GRAMD2A: variants seen among roughly 807,000 people sequenced by gnomAD.
GRAMD2A encodes GRAM domain containing 2A, also known as GRAM domain-containing protein 2A.
A neutral mutation model predicts 51.1 loss-of-function variants in GRAMD2A; 37 were observed. The observed-to-expected ratio is 0.72, with a 90% CI of 0.56 to 0.95. GRAMD2A has a LOEUF of 0.95. GRAMD2A is among the 40% of genes least tolerant of loss of function. The probability of loss-of-function intolerance (pLI) is 0.00; values close to 1 mark genes in which losing one functional copy is unlikely to be tolerated. For synonymous variants in GRAMD2A, 136 were observed against 157.1 expected, an observed-to-expected ratio of 0.87 and a Z score of 1.01; for missense variants, 414 against 426.9, an observed-to-expected ratio of 0.97 and a Z score of 0.27.
chr15:72,180,391 A>C (rs1194370223), intron 1 of GRAMD2A, among the ~76,000 whole-genome samples: 1 of 152,216 alleles, frequency 6.6e-6, no homozygotes, highest in Non-Finnish European at 1.5e-5. Context: ...ATTCAGGTCT[A>C]AAAACAGACT....
At chr15:72,178,108 C>T (rs2081668420) in intron 1 of GRAMD2A, among the ~76,000 whole-genome samples, 2 of 152,178 alleles carry the variant, frequency 1.3e-5, no homozygotes, top group Admixed American at 1.3e-4. Flanking sequence ...TGCCCCCACC[C>T]CTCCTTTCTT....
Position 72,161,460 on chromosome 15 carries a change from C to G in GRAMD2A, c.*549G>C, listed in dbSNP as rs2081474198. The G allele has an allele frequency of 6.4e-6, 1 of 155,994 alleles. No homozygotes were observed. Among genetic ancestry groups the G allele is most frequent in the Non-Finnish European group, 1.4e-5 (1 of 70,570 alleles). 9.7% of individuals were successfully genotyped at this position (155,994 alleles called of 1,614,324 possible). A position where few individuals can be genotyped will look rare whatever the true frequency, so the allele number is the denominator to read the frequency against. ...CCTCCCCTCTGCATTCACAGATTCT[C>G]AGCAGGCCCCTGCCCAAGCCTGACA... On this transcript the variant is annotated 3_prime_UTR_variant, in exon 12 of 12. Transcript: ENST00000309731.
rs2140545387 is a variant in GRAMD2A, at chr15:72,166,481, C to T, written c.543+151G>A. On this transcript the variant is annotated intron_variant, in intron 7 of 11. Transcript: ENST00000309731. This position sits in a 1 kb window ranked among gnomAD's most constrained non-coding sequence, Gnocchi z 4.1. Reference sequence around the variant, plus strand: ...CATAGACACACAATCCAAGTACTGTCTCTTGTACATTGAGCCTGAGCCTTT... The same window carrying T: ...CATAGACACACAATCCAAGTACTGTTTCTTGTACATTGAGCCTGAGCCTTT... 4 of 649,124 alleles carry T rather than the reference C, an allele frequency of 6.2e-6. No individual in the cohort carries two copies. The South Asian group carries it at 7.0e-5, about 11-fold the overall frequency. 40.2% of individuals were successfully genotyped at this position (649,124 alleles called of 1,614,324 possible).
chr15:72,178,821 G>A (rs951369338), intron 1 of GRAMD2A, among the ~76,000 whole-genome samples: 7 of 151,890 alleles, frequency 4.6e-5, no homozygotes, highest in East Asian at 1.9e-4. Flanking sequence ...TGATCCGCCC[G>A]CCTCGGCCTC....
Position 72,170,087 on chromosome 15 carries a change from A to G in GRAMD2A, c.42-148T>C, listed in dbSNP as rs550352297. On this transcript the variant is annotated intron_variant, in intron 1 of 11. Transcript: ENST00000309731. This position sits in a 1 kb window ranked among gnomAD's most constrained non-coding sequence, Gnocchi z 4.5. ...TGACACTGAAAATGTCACAGTTCAG[A>G]GGCAGCAGCGCAGGCAGAGGTTCTG... 31 of 734,154 alleles carry G rather than the reference A, an allele frequency of 4.2e-5. 1 individual carries two copies. The highest frequency in any genetic ancestry group is 4.1e-4 in the Admixed American group (21 of 51,786). The allele number at this position is 734,154 out of a possible 1,614,324, so 45.5% of individuals were successfully genotyped here.
intron 1 of GRAMD2A, among the ~76,000 whole-genome samples, chr15:72,177,647 G>A (rs928892841): frequency 1.9e-4 from 29 of 152,344 alleles, no homozygotes; most frequent in African/African-American, 7.0e-4. Flanking sequence ...TGTAGTACCA[G>A]TCTTGTGCAT....
chr15:72,172,685 C>A (rs1010183066), intron 1 of GRAMD2A, among the ~76,000 whole-genome samples: 15 of 151,910 alleles, frequency 9.9e-5, no homozygotes, highest in Non-Finnish European at 1.8e-4. Context: ...CTGCCTTGGC[C>A]TCTCCAAAGT....
At chr15:72,174,286 G>T (rs577055423) in intron 1 of GRAMD2A, among the ~76,000 whole-genome samples, 1 of 152,286 alleles carries the variant, frequency 6.6e-6, no homozygotes, top group East Asian at 1.9e-4. Flanking sequence ...GTGACCAGCT[G>T]GGCCCTGACC....
intron 1 of GRAMD2A, 117 bp downstream of exon 1, chr15:72,197,614 T>C (rs2081819949): frequency 2.5e-6 from 2 of 810,980 alleles, no homozygotes; most frequent in African/African-American, 3.7e-5. Context: ...GCCTGCCCCG[T>C]GGGCAGAACG....
rs932307644 is a variant in GRAMD2A, at chr15:72,161,962, A to G, written c.*47T>C. The G allele has an allele frequency of 2.5e-6, 4 of 1,609,472 alleles. No homozygotes were observed. The highest frequency in any genetic ancestry group is 2.6e-6 in the Non-Finnish European group (3 of 1,175,728). On this transcript the variant is annotated 3_prime_UTR_variant, in exon 12 of 12. Transcript: ENST00000309731. ...GATCATTGGTGGAGACTTAGCACCC[A>G]GAACATTCTTCTTGGAGAAGGAATG... is the stretch of plus-strand genomic sequence containing the variant.
At chr15:72,195,888 C>A (rs902469428) in intron 1 of GRAMD2A, among the ~76,000 whole-genome samples, 2 of 152,094 alleles carry the variant, frequency 1.3e-5, no homozygotes, top group African/African-American at 4.8e-5. Flanking sequence ...CCATTGCACT[C>A]CAGCCTGGGT....
In GRAMD2A at chr15:72,166,290, G is replaced by A. The variant is rs974646521; in HGVS notation, c.543+342C>T. ...TTCTGAGATGTTTAAGGGAGGTGAGGCTAAGCTACGATGTTCTGTAGGTGA... is the reference window on the plus strand; with the variant it reads ...TTCTGAGATGTTTAAGGGAGGTGAGACTAAGCTACGATGTTCTGTAGGTGA... On this transcript the variant is annotated intron_variant, in intron 7 of 11. Transcript: ENST00000309731. This position sits in a 1 kb window ranked among gnomAD's most constrained non-coding sequence, Gnocchi z 4.1. 6.6e-6 allele frequency among the ~76,000 whole-genome samples: 1 copy of A among 152,198 alleles called. No homozygotes were observed. The highest frequency in any genetic ancestry group is 1.5e-5 in the Non-Finnish European group (1 of 68,026).
chr15:72,177,543 A>G (rs114116500), intron 1 of GRAMD2A, among the ~76,000 whole-genome samples: 2,141 of 152,348 alleles, frequency 0.014, 31 homozygotes, highest in African/African-American at 0.025. Context: ...TGCATTTGAA[A>G]TATGGATAGA....
chr15:72,171,051 G>A, intron 1 of GRAMD2A, among the ~76,000 whole-genome samples: 1 of 152,208 alleles, frequency 6.6e-6, no homozygotes, highest in East Asian at 1.9e-4. Context: ...GACCTGCCAA[G>A]GGACAGGCTG....
chr15:72,166,685 G>T lies in GRAMD2A; in HGVS notation c.490C>A (p.Leu164Ile). 1 of 1,613,440 alleles carries T rather than the reference G, an allele frequency of 6.2e-7. No individual in the cohort carries two copies. The highest frequency in any genetic ancestry group is 8.5e-7 in the Non-Finnish European group (1 of 1,179,672). Residue 164 changes from leucine (L) to isoleucine (I), a missense_variant, in exon 7 of 12, where the codon CTC becomes ATC. Coordinates refer to ENST00000309731, the MANE Select transcript of GRAMD2A (RefSeq NM_001012642.3). The surrounding 1 kb of genome is among the most constrained non-coding windows in gnomAD (Gnocchi z 4.1). ...TSQKYIFVSL[L>I]SRDSVYDLLR... ...AGGTCATATACACTGTCCCGGGAGA[G>T]CAGTGACACAAAGATATACTGGGAC...
Position 72,161,977 on chromosome 15 carries a change from G to C in GRAMD2A, c.*32C>G, listed in dbSNP as rs113279400. Reference sequence around the variant, plus strand: ...CTTAGCACCCAGAACATTCTTCTTGGAGAAGGAATGGGGACAAAGGCCAAG... The same window carrying C: ...CTTAGCACCCAGAACATTCTTCTTGCAGAAGGAATGGGGACAAAGGCCAAG... On this transcript the variant is annotated 3_prime_UTR_variant, in exon 12 of 12. Transcript: ENST00000309731. 45 of 1,612,484 alleles carry C rather than the reference G, an allele frequency of 2.8e-5. No homozygotes were observed. In the Admixed American group the frequency reaches 7.5e-4, roughly 27 times the overall value.
rs1596674500 is a variant in GRAMD2A, at chr15:72,163,409, A to G, written c.813T>C (p.Gly271=). The G allele has an allele frequency of 1.2e-6, 2 of 1,613,594 alleles. No individual in the cohort carries two copies. Among genetic ancestry groups the G allele is most frequent in the African/African-American group, 2.7e-5 (2 of 74,776 alleles). ...GRWAWPMPGW[G]PACPKKMPNC... ...TCGGCATCTTCTTAGGGCAGGCAGG[A>G]CCCCAGCCTGGCATGGGCCATGCCC... Residue 271 remains glycine (G), a synonymous_variant, in exon 10 of 12, where the codon GGT becomes GGC. Coordinates refer to ENST00000309731, the MANE Select transcript of GRAMD2A (RefSeq NM_001012642.3).
At chr15:72,179,832 T>G (rs2081683700) in intron 1 of GRAMD2A, among the ~76,000 whole-genome samples, 1 of 152,124 alleles carries the variant, frequency 6.6e-6, no homozygotes, top group African/African-American at 2.4e-5. Flanking sequence ...CCACGGCAAG[T>G]GAAGACAGGG....
At chr15:72,171,577 G>A (rs1319762947) in intron 1 of GRAMD2A, among the ~76,000 whole-genome samples, 1 of 152,132 alleles carries the variant, frequency 6.6e-6, no homozygotes, top group Admixed American at 6.5e-5. Flanking sequence ...CCAGCCATCA[G>A]CACGACATGA....
Sources: allele counts gnomAD v4.1 joint callset (sites outside exome capture counted in the v4.1 genomes callset), GRCh38; gene constraint gnomAD v4.1.1; non-coding constraint Gnocchi (gnomAD v3.1); transcripts MANE v1.5; gene names NCBI Gene and HGNC (gene_info 2026-07-23, HGNC 2026-07-21).